The following LMNB1 variants were observed in gnomAD, a reference collection of about 807,000 sequenced individuals.
LMNB1 encodes lamin-B1.
In LMNB1, 23 loss-of-function variants were observed where a neutral mutation model predicts 67.1. The ratio of observed to expected loss-of-function variants is 0.34; its 90% CI spans 0.25 to 0.49. LMNB1 has a LOEUF of 0.49. Among genes scored for constraint, LMNB1 ranks in the 20% least tolerant of loss-of-function variants. LMNB1 has a pLI of 0.99. For missense variants in LMNB1, 634 were observed against 746.5 expected, an observed-to-expected ratio of 0.85 and a Z score of 1.76; for synonymous variants, 281 against 282.9, an observed-to-expected ratio of 0.99 and a Z score of 0.07.
chr5:126,820,960 C>T lies in LMNB1; in HGVS notation c.1211C>T (p.Ser404Phe). The change falls in exon 7 of 11, where the codon TCC (serine) becomes TTC (phenylalanine). Residue 404 changes from serine (S) to phenylalanine (F), a missense_variant. Ser to Phe is a radical substitution (Grantham distance 155, BLOSUM62 -2). Coordinates refer to ENST00000261366, the MANE Select transcript of LMNB1 (RefSeq NM_005573.4). ...TCCCGTGTGACAGTATCCCGAGCATCCTCAAGTCGTAGTGTACGTACAACT... is the reference window on the plus strand; with the variant it reads ...TCCCGTGTGACAGTATCCCGAGCATTCTCAAGTCGTAGTGTACGTACAACT... ...PSSRVTVSRA[S>F]SSRSVRTTRG... 6.2e-7 allele frequency: 1 copy of T among 1,614,138 alleles called. No homozygotes were observed. The highest frequency in any genetic ancestry group is 8.5e-7 in the Non-Finnish European group (1 of 1,180,026).
intron 1 of LMNB1, among the ~76,000 whole-genome samples, chr5:126,789,791 A>T (rs1475582184): frequency 6.6e-6 from 1 of 152,036 alleles, no homozygotes; most frequent in African/African-American, 2.4e-5. Context: ...CTCCTGCCTC[A>T]GCCTCCTGAG....
chr5:126,829,772 G>A (rs1165331531), intron 9 of LMNB1, among the ~76,000 whole-genome samples: 2 of 152,018 alleles, frequency 1.3e-5, no homozygotes, highest in African/African-American at 2.4e-5. Context: ...TTGGGAGGGC[G>A]GAATTAGAGC....
intron 1 of LMNB1, among the ~76,000 whole-genome samples, chr5:126,796,041 T>C (rs1388373441): frequency 2.7e-5 from 4 of 149,086 alleles, no homozygotes; most frequent in Non-Finnish European, 3.0e-5. Context: ...CAAGCAATTC[T>C]CCTGCCTCAG....
rs542788619 is a variant in LMNB1, at chr5:126,815,641, T to C, written c.940-3281T>C. Among the ~76,000 whole-genome samples the C allele has an allele frequency of 1.2e-4, 19 of 152,226 alleles. No individual in the cohort carries two copies. In the South Asian group the frequency reaches 1.9e-3, roughly 15 times the overall value. ...GGCAAGATCTGAGAGATCATCTAGATAGTTAGAGCTCTTCATTTTCCTTAT... is the reference window on the plus strand; with the variant it reads ...GGCAAGATCTGAGAGATCATCTAGACAGTTAGAGCTCTTCATTTTCCTTAT... On this transcript the variant is annotated intron_variant, in intron 5 of 10. Transcript: ENST00000261366.
In LMNB1 at chr5:126,779,338, A is replaced by G. The variant is rs114213543; in HGVS notation, c.359+1471A>G. On this transcript the variant is annotated intron_variant, in intron 1 of 10. Transcript: ENST00000261366. ...TATTTCTTTGGATATTTAGTTATAC[A>G]ACTCGAAAATAATACTAAGCTTGTA... is the stretch of plus-strand genomic sequence containing the variant. Among the ~76,000 whole-genome samples, 1,314 of 152,334 alleles carry G rather than the reference A, an allele frequency of 8.6e-3. 21 individuals are homozygous for G. The highest frequency in any genetic ancestry group is 0.03 in the African/African-American group (1,240 of 41,562).
At chr5:126,814,084 A>G (rs1751645444) in intron 5 of LMNB1, among the ~76,000 whole-genome samples, 2 of 152,052 alleles carry the variant, frequency 1.3e-5, no homozygotes. Context: ...TGGTAGAGAC[A>G]GGGTTTCTCC....
At chr5:126,815,666 T>G (rs1379164651) in intron 5 of LMNB1, among the ~76,000 whole-genome samples, 1 of 152,174 alleles carries the variant, frequency 6.6e-6, no homozygotes, top group Non-Finnish European at 1.5e-5. Flanking sequence ...ATTTTCCTTA[T>G]GTGGAAACTG....
intron 1 of LMNB1, among the ~76,000 whole-genome samples, chr5:126,780,629 T>C (rs920787754): frequency 2.0e-5 from 3 of 152,196 alleles, no homozygotes; most frequent in Non-Finnish European, 2.9e-5. Context: ...AAGGCCTGTC[T>C]GAGGAGTTGA....
At chr5:126,829,561 T>G (rs779549120) in intron 9 of LMNB1, among the ~76,000 whole-genome samples, 6 of 151,634 alleles carry the variant, frequency 4.0e-5, no homozygotes, top group Non-Finnish European at 8.8e-5. Context: ...CTGACAGAAC[T>G]CTCTCAGAAC....
At chr5:126,805,288 C>A (rs1751388748) in intron 2 of LMNB1, among the ~76,000 whole-genome samples, 1 of 152,142 alleles carries the variant, frequency 6.6e-6, no homozygotes, top group African/African-American at 2.4e-5. Context: ...AAGTGGTTAG[C>A]TAAAATAACT....
intron 1 of LMNB1, among the ~76,000 whole-genome samples, chr5:126,797,957 A>T (rs1263968406): frequency 6.6e-6 from 1 of 152,112 alleles, no homozygotes; most frequent in Non-Finnish European, 1.5e-5. Flanking sequence ...GTAGTGGCAC[A>T]TGTGTATACT....
At chr5:126,804,080 CTT>C (rs59976025) in intron 1 of LMNB1, among the ~76,000 whole-genome samples, 1 of 144,914 alleles carries the variant, frequency 6.9e-6, no homozygotes. Flanking sequence ...ATTTGATTTT[CTT>C]TTTTTTTTTG....
intron 1 of LMNB1, among the ~76,000 whole-genome samples, chr5:126,800,556 G>T (rs1426266989): frequency 6.6e-6 from 1 of 151,382 alleles, no homozygotes; most frequent in Non-Finnish European, 1.5e-5. Flanking sequence ...CATATTTCTT[G>T]GTGGTCAGAA....
chr5:126,819,281 T>TGAGGTAGA, intron 6 of LMNB1, 139 bp downstream of exon 6: 1 of 595,236 alleles, frequency 1.7e-6, no homozygotes. Flanking sequence ...ATAGAAGTAG[T>TGAGGTAGA]AATAGATCAT....
At chr5:126,796,786 CTTTTTTTTTTT>C (rs34534973) in intron 1 of LMNB1, among the ~76,000 whole-genome samples, 1 of 118,748 alleles carries the variant, frequency 8.4e-6, no homozygotes, top group African/African-American at 3.1e-5. Context: ...TTTTTTCTTT[CTTTTTTTTTTT>C]TTTTTTTTTG....
chr5:126,821,134 A>G lies in LMNB1; in HGVS notation c.1385A>G (p.Gln462Arg). 1.9e-6 allele frequency: 3 copies of G among 1,604,094 alleles called. No homozygotes were observed. The highest frequency in any genetic ancestry group is 2.6e-6 in the Non-Finnish European group (3 of 1,171,134). Residue 462 changes from glutamine (Q) to arginine (R), a missense_variant and splice_region_variant, in exon 7 of 11, where the codon CAG becomes CGG. Transcript: ENST00000261366. ...ATCCGCTTGAAGAACACTTCTGAAC[A>G]GGTAATAAAATAGACCCTTTTTTTT... is the stretch of plus-strand genomic sequence containing the variant. ...KFIRLKNTSE[Q>R]DQPMGGWEMI... is the part of the protein sequence containing the mutation.
intron 1 of LMNB1, among the ~76,000 whole-genome samples, chr5:126,803,143 C>T (rs1172830927): frequency 4.0e-5 from 6 of 150,556 alleles, no homozygotes; most frequent in African/African-American, 9.8e-5. Context: ...CCGAGATCGC[C>T]CCACTGCGCT....
At chr5:126,778,243 G>A (rs1230402285) in intron 1 of LMNB1, among the ~76,000 whole-genome samples, 2 of 151,942 alleles carry the variant, frequency 1.3e-5, no homozygotes, top group Non-Finnish European at 2.9e-5. Flanking sequence ...GAGCGCGAGC[G>A]CGCGCTCGCG....
intron 1 of LMNB1, among the ~76,000 whole-genome samples, chr5:126,787,546 A>ATATTT: frequency 7.6e-5 from 5 of 65,582 alleles, no homozygotes; most frequent in Non-Finnish European, 1.4e-4. Context: ...ATATATATAT[A>ATATTT]TTTTTTTTTT....
Sources: gnomAD v4.1 joint callset for allele counts (sites outside exome capture counted in the v4.1 genomes callset) on GRCh38, gnomAD v4.1.1 for gene constraint, MANE v1.5 for transcripts, NCBI Gene and HGNC (gene_info 2026-07-23, HGNC 2026-07-21) for gene names.